The following MAGI2 variants were observed in gnomAD, a reference collection of about 807,000 sequenced individuals.
MAGI2 encodes the protein membrane-associated guanylate kinase, WW and PDZ domain-containing protein 2.
A neutral mutation model predicts 133.3 loss-of-function variants in MAGI2; 35 were observed. That is an observed-to-expected ratio of 0.26 (90% CI 0.20 to 0.35). The LOEUF is 0.35. Ranked by LOEUF, MAGI2 falls within the 10% of genes least tolerant of loss-of-function variation. MAGI2 has a pLI of 1.00. For missense variants in MAGI2, 1,636 were observed against 1,863.4 expected, an observed-to-expected ratio of 0.88 and a Z score of 2.25; for synonymous variants, 729 against 710.6, an observed-to-expected ratio of 1.03 and a Z score of -0.41.
At chr7:78,633,489 AGGT>A (rs1025460369) in intron 2 of MAGI2, among the ~76,000 whole-genome samples, 1 of 152,020 alleles carries the variant, frequency 6.6e-6, no homozygotes, top group African/African-American at 2.4e-5. Context: ...GTGGATCACG[AGGT>A]CAGGAGATCA....
At chr7:79,353,225 G>A (rs919817961) in intron 1 of MAGI2, among the ~76,000 whole-genome samples, 4 of 152,124 alleles carry the variant, frequency 2.6e-5, no homozygotes, top group East Asian at 1.9e-4. Flanking sequence ...GTGGGGATGC[G>A]GCTCAGAGTC....
At chr7:78,262,610 A>G (rs1218169531) in intron 9 of MAGI2, among the ~76,000 whole-genome samples, 1 of 152,176 alleles carries the variant, frequency 6.6e-6, no homozygotes, top group East Asian at 1.9e-4. Context: ...AGGTATGCCA[A>G]TAACTAGTGG....
At chr7:78,778,182 CATGGGCATA>C (rs1237095487) in intron 2 of MAGI2, among the ~76,000 whole-genome samples, 1 of 152,176 alleles carries the variant, frequency 6.6e-6, no homozygotes, top group African/African-American at 2.4e-5. Flanking sequence ...AACCCAAGCA[CATGGGCATA>C]ATGGGGCAAA....
intron 2 of MAGI2, among the ~76,000 whole-genome samples, chr7:78,875,269 CAGAATATGCACTCAGCTCGG>C (rs1795330074): frequency 6.6e-6 from 1 of 152,120 alleles, no homozygotes; most frequent in South Asian, 2.1e-4. Context: ...GGGTGCATTC[CAGAATATGCACTCAGCTCGG>C]GAGGCAGAGA....
chr7:79,432,477 G>A (rs2129187818), intron 1 of MAGI2, among the ~76,000 whole-genome samples: 1 of 152,332 alleles, frequency 6.6e-6, no homozygotes, highest in African/African-American at 2.4e-5. Context: ...CTACTTCTTG[G>A]CAGAAGAATT....
chr7:79,106,831 CTCTT>C (rs1463134662), intron 1 of MAGI2, among the ~76,000 whole-genome samples: 1 of 152,194 alleles, frequency 6.6e-6, no homozygotes, highest in African/African-American at 2.4e-5. Flanking sequence ...AATCTCTGAT[CTCTT>C]TCTTTCTAGC....
intron 1 of MAGI2, among the ~76,000 whole-genome samples, chr7:79,239,184 T>C (rs1309188233): frequency 6.6e-6 from 1 of 152,186 alleles, no homozygotes; most frequent in Non-Finnish European, 1.5e-5. Flanking sequence ...TATTAATTAA[T>C]TGTATTAATG....
At chr7:78,461,966 A>T (rs1358544894) in intron 6 of MAGI2, among the ~76,000 whole-genome samples, 3 of 150,014 alleles carry the variant, frequency 2.0e-5, no homozygotes, top group Non-Finnish European at 4.4e-5. Context: ...GAAACAGGAA[A>T]AATTAAATGA....
At chr7:79,263,205 A>G (rs565111457) in intron 1 of MAGI2, among the ~76,000 whole-genome samples, 2 of 152,326 alleles carry the variant, frequency 1.3e-5, no homozygotes, top group Admixed American at 1.3e-4. Context: ...ACACCTAATT[A>G]TTAATAAGGT....
chr7:78,070,218 T>TATATATACACACAC (rs1453553515), intron 21 of MAGI2, among the ~76,000 whole-genome samples: 1 of 52,280 alleles, frequency 1.9e-5, no homozygotes, highest in African/African-American at 4.7e-5. Flanking sequence ...TATATATATA[T>TATATATACACACAC]ACACACACAC....
At chr7:79,019,016 T>A (rs528452072) in intron 1 of MAGI2, among the ~76,000 whole-genome samples, 2 of 152,254 alleles carry the variant, frequency 1.3e-5, no homozygotes, top group Admixed American at 1.3e-4. Context: ...TTTCAGGACC[T>A]TAACCAAAAG....
At chr7:78,531,840 C>T (rs73141150) in intron 3 of MAGI2, among the ~76,000 whole-genome samples, 8,907 of 152,190 alleles carry the variant, frequency 0.059, 315 homozygotes, top group Middle Eastern at 0.17. Context: ...TAGTCCCTGT[C>T]TTGTAAATAC....
rs928939743 is a variant in MAGI2 at position 78,857,386 on chromosome 7, G to C, written c.418+149704C>G. ...CCCATTCAGTATGATATTGGCTGTG[G>C]GTTTGTCATAGATAGCTCTTACTAT... On this transcript the variant is annotated intron_variant, in intron 2 of 21. Transcript: ENST00000354212. Among the ~76,000 whole-genome samples, 10 of 152,166 alleles carry C rather than the reference G, an allele frequency of 6.6e-5. 1 individual carries two copies. The highest frequency in any genetic ancestry group is 3.4e-3 in the Middle Eastern group (1 of 294).
intron 1 of MAGI2, chr7:79,411,955 A>C (rs1464442687): frequency 6.6e-6 from 1 of 152,080 alleles, no homozygotes; most frequent in Non-Finnish European, 1.5e-5. Context: ...CATGAAAGGA[A>C]AAATTGAATA....
Position 78,231,809 on chromosome 7 carries a change from G to A in MAGI2, c.2047+24134C>T, listed in dbSNP as rs973941208. 2.0e-5 allele frequency among the ~76,000 whole-genome samples: 3 copies of A among 152,192 alleles called. No individual in the cohort carries two copies. The East Asian group carries it at 5.8e-4, about 29-fold the overall frequency. On this transcript the variant is annotated intron_variant, in intron 10 of 21. Coordinates refer to ENST00000354212, the MANE Select transcript of MAGI2 (RefSeq NM_012301.4). Reference sequence around the variant, plus strand: ...AGAAAGGATGTAATTTGGATGTGTTGGGAACTTAGGGTATGGTAGAAGTCC... The same window carrying A: ...AGAAAGGATGTAATTTGGATGTGTTAGGAACTTAGGGTATGGTAGAAGTCC...
intron 10 of MAGI2, among the ~76,000 whole-genome samples, chr7:78,239,843 C>T (rs943223776): frequency 2.6e-5 from 4 of 152,208 alleles, no homozygotes; most frequent in African/African-American, 7.2e-5. Flanking sequence ...TGGAAAACAG[C>T]ATGGAGGTTT....
rs558421731 is a variant in MAGI2 at position 79,331,745 on chromosome 7, C to T, written c.301+121275G>A. The stretch of plus-strand genomic sequence containing the variant: ...GAAGCACGTTTTCTTCAGTATTCTC[C>T]TTGGAAATTGGTCATGTAGTAGTAT... On this transcript the variant is annotated intron_variant, in intron 1 of 21. Coordinates refer to ENST00000354212, the MANE Select transcript of MAGI2 (RefSeq NM_012301.4). Among the ~76,000 whole-genome samples, 5 of 152,136 alleles carry T rather than the reference C, an allele frequency of 3.3e-5. No homozygotes were observed. The South Asian group carries it at 6.2e-4, about 19-fold the overall frequency.
intron 3 of MAGI2, among the ~76,000 whole-genome samples, chr7:78,599,408 A>T (rs1250768431): frequency 6.6e-6 from 1 of 152,188 alleles, no homozygotes; most frequent in African/African-American, 2.4e-5. Context: ...TTTACTTTCC[A>T]GAGCCTCCCT....
rs201473508 is a variant in MAGI2, at chr7:78,932,511, TA to T, written c.418+74578del. 1.7e-3 allele frequency among the ~76,000 whole-genome samples: 239 copies of T among 141,216 alleles called. 2 individuals carry two copies. Among genetic ancestry groups the T allele is most frequent in the South Asian group, 5.0e-3 (22 of 4,412 alleles). The allele number at this position is 141,216 out of a possible 152,430, so 92.6% of individuals were successfully genotyped here. ...GTAAAGAACAGAAGTTAATGAAAAA[TA>T]AAAAAAAAAACACTGCATAAAGCTA... is the stretch of plus-strand genomic sequence containing the variant. On this transcript the variant is annotated intron_variant, in intron 2 of 21. Transcript: ENST00000354212.
Sources: gnomAD v4.1 joint callset for allele counts (sites outside exome capture counted in the v4.1 genomes callset) on GRCh38, gnomAD v4.1.1 for gene constraint, MANE v1.5 for transcripts, NCBI Gene and HGNC (gene_info 2026-07-23, HGNC 2026-07-21) for gene names.